The following KLHL1 variants were observed in gnomAD, a reference collection of about 807,000 sequenced individuals.
The protein encoded by KLHL1 is kelch-like protein 1.
KLHL1 carries 47 observed loss-of-function variants against 77.7 expected under a neutral mutation model. The observed-to-expected ratio is 0.60, with a 90% CI of 0.48 to 0.77. The LOEUF is 0.77. Among genes scored for constraint, KLHL1 ranks in the 30% least tolerant of loss-of-function variants. The pLI is 0.00. For synonymous variants in KLHL1, 360 were observed against 325.2 expected, an observed-to-expected ratio of 1.11 and a Z score of -1.15; for missense variants, 925 against 910.8, an observed-to-expected ratio of 1.02 and a Z score of -0.20.
intron 1 of KLHL1, among the ~76,000 whole-genome samples, chr13:70,053,885 T>G (rs1566535861): frequency 6.6e-6 from 1 of 152,072 alleles, no homozygotes; most frequent in Non-Finnish European, 1.5e-5. Context: ...TACTGTCCAA[T>G]AGGGAATGCG....
In KLHL1 at chr13:69,933,508, C is replaced by A. The variant is rs528688584; in HGVS notation, c.1014+6532G>T. 2.1e-4 allele frequency among the ~76,000 whole-genome samples: 32 copies of A among 152,122 alleles called. No homozygotes were observed. The South Asian group carries it at 6.6e-3, about 32-fold the overall frequency. ...GGTATTTTAAAACCATGATCACAAA[C>A]CACATTGATATAGTTTGTTCTTTCT... On this transcript the variant is annotated intron_variant, in intron 4 of 10. Coordinates refer to ENST00000377844, the MANE Select transcript of KLHL1 (RefSeq NM_020866.3).
At chr13:69,827,729 CAAAA>C (rs58504097) in intron 6 of KLHL1, among the ~76,000 whole-genome samples, 2 of 73,006 alleles carry the variant, frequency 2.7e-5, no homozygotes, top group African/African-American at 4.3e-5. Context: ...GACCCTGTCT[CAAAA>C]AAAAAAAAAA....
intron 1 of KLHL1, among the ~76,000 whole-genome samples, chr13:70,046,444 T>G (rs113811614): frequency 1.2e-3 from 190 of 152,280 alleles, no homozygotes; most frequent in African/African-American, 4.3e-3. Context: ...GGACCCAGGT[T>G]CATCTCACTT....
chr13:69,838,085 GTC>G (rs1409062413), intron 6 of KLHL1, among the ~76,000 whole-genome samples: 1 of 151,556 alleles, frequency 6.6e-6, no homozygotes, highest in Non-Finnish European at 1.5e-5. Flanking sequence ...ATGAGAATGT[GTC>G]ATTCTCTATT....
chr13:69,756,054 T>G (rs576192974), intron 7 of KLHL1, among the ~76,000 whole-genome samples: 1 of 152,260 alleles, frequency 6.6e-6, no homozygotes, highest in East Asian at 1.9e-4. Context: ...TGTATTCCCC[T>G]TACTTCAGAT....
chr13:69,940,301 C>T, intron 3 of KLHL1, 65 bp from the exon 4 acceptor site: 1 of 1,216,964 alleles, frequency 8.2e-7, no homozygotes, highest in Non-Finnish European at 1.1e-6. Context: ...TATCATAACA[C>T]TACACAAAAC....
At chr13:69,889,592 C>T (rs909860481) in intron 4 of KLHL1, among the ~76,000 whole-genome samples, 3 of 152,048 alleles carry the variant, frequency 2.0e-5, no homozygotes, top group Admixed American at 1.3e-4. Flanking sequence ...TCTTAAGGTG[C>T]TCACCTGGAT....
intron 1 of KLHL1, among the ~76,000 whole-genome samples, chr13:70,056,167 G>A (rs1012571827): frequency 1.7e-4 from 26 of 151,808 alleles, no homozygotes; most frequent in Non-Finnish European, 8.8e-5. Context: ...CATGGAAATG[G>A]AAACCAAAAA....
At chr13:70,097,967 G>A (rs1295787547) in intron 1 of KLHL1, among the ~76,000 whole-genome samples, 1 of 151,364 alleles carries the variant, frequency 6.6e-6, no homozygotes, top group African/African-American at 2.4e-5. Context: ...TAGTTGCAAG[G>A]TTACATGTCA....
In KLHL1 at chr13:69,701,746, T is replaced by C. The variant is rs1259516872; in HGVS notation, c.2203A>G (p.Ile735Val). ...ACCACACAGGCACCTGCTCTCCCAA[T>C]ATTCAAGGAAGCCATCTGTTAAAAA... ...NEWTQMASLN[I>V]GRAGACVVVI... Residue 735 changes from isoleucine (I) to valine (V), a missense_variant, in exon 11 of 11, where the codon ATT becomes GTT. Physicochemically the swap from Ile to Val is conservative, Grantham distance 29. Coordinates refer to ENST00000377844, the MANE Select transcript of KLHL1 (RefSeq NM_020866.3). 1 of 1,606,822 alleles carries C rather than the reference T, an allele frequency of 6.2e-7. No homozygotes were observed. Among genetic ancestry groups the C allele is most frequent in the Admixed American group, 1.7e-5 (1 of 59,360 alleles).
chr13:70,024,314 T>C (rs1253722508), intron 1 of KLHL1, among the ~76,000 whole-genome samples: 2 of 151,872 alleles, frequency 1.3e-5, no homozygotes, highest in Non-Finnish European at 2.9e-5. Context: ...AGTTTATATT[T>C]TCATGATAAC....
intron 7 of KLHL1, among the ~76,000 whole-genome samples, chr13:69,779,388 CT>C (rs1231374733): frequency 2.7e-5 from 4 of 150,624 alleles, no homozygotes; most frequent in Admixed American, 6.6e-5. Flanking sequence ...CTCTCCTCCC[CT>C]GTCCTCCCCT....
intron 1 of KLHL1, among the ~76,000 whole-genome samples, chr13:70,007,994 G>GA (rs1885445224): frequency 6.6e-6 from 1 of 151,892 alleles, no homozygotes; most frequent in Non-Finnish European, 1.5e-5. Context: ...ATTTTATATT[G>GA]AAAATTAATG....
intron 1 of KLHL1, among the ~76,000 whole-genome samples, chr13:70,010,911 T>TATTAATAA (rs1555290290): frequency 6.8e-6 from 1 of 147,628 alleles, no homozygotes; most frequent in Non-Finnish European, 1.5e-5. Context: ...ATAATAATAA[T>TATTAATAA]AATAAAATAA....
intron 1 of KLHL1, among the ~76,000 whole-genome samples, chr13:70,058,665 AT>A (rs1239996988): frequency 1.3e-5 from 2 of 152,194 alleles, no homozygotes; most frequent in East Asian, 3.8e-4. Flanking sequence ...ATTCAACATG[AT>A]TCCTATAAAA....
intron 7 of KLHL1, among the ~76,000 whole-genome samples, chr13:69,790,322 T>C (rs1452221131): frequency 3.9e-5 from 6 of 152,218 alleles, no homozygotes; most frequent in Non-Finnish European, 8.8e-5. Flanking sequence ...CAATGAAATC[T>C]ACAGAACAGT....
At chr13:69,865,893 T>G (rs2138162904) in intron 5 of KLHL1, among the ~76,000 whole-genome samples, 1 of 152,294 alleles carries the variant, frequency 6.6e-6, no homozygotes, top group South Asian at 2.1e-4. Context: ...AGGCGTAATT[T>G]ATTTATCTGC....
chr13:69,879,301 A>G (rs1420456784), intron 5 of KLHL1, among the ~76,000 whole-genome samples: 5 of 152,174 alleles, frequency 3.3e-5, no homozygotes, highest in Non-Finnish European at 7.3e-5. Flanking sequence ...CATTTATGCT[A>G]TAATATTGCT....
At chr13:69,937,937 A>T (rs1883236137) in intron 4 of KLHL1, among the ~76,000 whole-genome samples, 1 of 152,196 alleles carries the variant, frequency 6.6e-6, no homozygotes, top group Admixed American at 6.5e-5. Context: ...TGTATTAAGC[A>T]ATCAGACAAA....
Sources: gnomAD v4.1 joint callset for allele counts (sites outside exome capture counted in the v4.1 genomes callset) on GRCh38, gnomAD v4.1.1 for gene constraint, MANE v1.5 for transcripts, NCBI Gene and HGNC (gene_info 2026-07-23, HGNC 2026-07-21) for gene names.